GRWD1: variants seen among roughly 807,000 people sequenced by gnomAD.
The protein encoded by GRWD1 is glutamate-rich WD repeat-containing protein 1.
A neutral mutation model predicts 45.3 loss-of-function variants in GRWD1; 29 were observed. The observed-to-expected ratio is 0.64, with a 90% confidence interval of 0.48 to 0.87. The LOEUF (loss-of-function observed/expected upper bound fraction) is 0.87, where lower values mean the gene tolerates loss of function less well. Ranked by LOEUF, GRWD1 falls within the 40% of genes least tolerant of loss-of-function variation. The probability of loss-of-function intolerance (pLI) is 0.00; values close to 1 mark genes in which losing one functional copy is unlikely to be tolerated. For synonymous variants in GRWD1, 262 were observed against 257.6 expected (o/e 1.02, Z -0.16); for missense variants, 592 against 618.8 (o/e 0.96, Z 0.46).
chr19:48,450,434 T>C lies in GRWD1; in HGVS notation c.590T>C (p.Leu197Pro). The C allele has an allele frequency of 6.2e-7, 1 of 1,614,096 alleles. No individual in the cohort carries two copies. The highest frequency in any genetic ancestry group is 8.5e-7 in the Non-Finnish European group (1 of 1,180,028). ...GAGCCCCAGGCCCTGGCAGCCTTCC[T>C]CCGGGATGAGCAGGCCCAAATGAAG... ...VEEPQALAAF[L>P]RDEQAQMKPI... Residue 197 changes from leucine (L) to proline (P), a missense_variant, in exon 4 of 7, where the codon CTC (leucine) becomes CCC (proline). By Grantham distance (98) the Leu-to-Pro change is moderately conservative. Coordinates refer to ENST00000253237, the MANE Select transcript of GRWD1 (RefSeq NM_031485.4). The surrounding 1 kb of genome is among the most constrained non-coding windows in gnomAD (Gnocchi z 5.1).
intron 3 of GRWD1, 61 bp downstream of exon 3, chr19:48,446,904 T>A: frequency 7.5e-7 from 1 of 1,335,380 alleles, no homozygotes; most frequent in Non-Finnish European, 1.0e-6. Flanking sequence ...CCATCCCCTG[T>A]GTCCATAACT....
In GRWD1 at chr19:48,452,563, T is replaced by C; in HGVS notation, c.1024-145T>C. ...CAGCCAGAATTACCCTGTGTCCCTT[T>C]CCTGGACTCTGGGCTTGTGAGGGCT... On this transcript the variant is annotated intron_variant, in intron 6 of 6. Coordinates refer to ENST00000253237, the MANE Select transcript of GRWD1 (RefSeq NM_031485.4). This position sits in a 1 kb window ranked among gnomAD's most constrained non-coding sequence, Gnocchi z 5.1. 1 of 670,614 alleles carries C rather than the reference T, an allele frequency of 1.5e-6. No individual in the cohort carries two copies. The highest frequency in any genetic ancestry group is 2.0e-5 in the South Asian group (1 of 50,172). 41.5% of individuals were successfully genotyped at this position (670,614 alleles called of 1,614,324 possible). A position where few individuals can be genotyped will look rare whatever the true frequency, so the allele number is the denominator to read the frequency against.
chr19:48,448,441 G>A (rs1222374960), intron 3 of GRWD1, among the ~76,000 whole-genome samples: 1 of 152,144 alleles, frequency 6.6e-6, no homozygotes, highest in Non-Finnish European at 1.5e-5. Context: ...CAAGCAAAAG[G>A]TCTCTGGCTC....
At position 48,452,089 on chromosome 19, in the gene GRWD1, CTTTTTTTTTTTT is replaced by C. The variant is rs58562169; in HGVS notation, c.1024-613_1024-602del. 5.9e-4 allele frequency among the ~76,000 whole-genome samples: 86 copies of C among 146,040 alleles called. No homozygotes were observed. The highest frequency in any genetic ancestry group is 1.8e-3 in the African/African-American group (71 of 39,502). On this transcript the variant is annotated intron_variant, in intron 6 of 6. Transcript: ENST00000253237. This position sits in a 1 kb window ranked among gnomAD's most constrained non-coding sequence, Gnocchi z 5.1. ...GGGAGAGCCATGCCCTCCTTTTTTT[CTTTTTTTTTTTT>C]TTTTTCTTTTTTTTTGCGATGGAGT...
Position 48,450,029 on chromosome 19 carries a change from G to C in GRWD1, c.469-284G>C, listed in dbSNP as rs1482292398. Among the ~76,000 whole-genome samples the C allele has an allele frequency of 3.3e-5, 5 of 151,968 alleles. No individual in the cohort carries two copies. Among genetic ancestry groups the C allele is most frequent in the African/African-American group, 1.2e-4 (5 of 41,350 alleles). ...AGCCTGAACACCCTCCCAAGGGCTG[G>C]TGGGAATTGCAGCCTCAACTCCCAG... On this transcript the variant is annotated intron_variant, in intron 3 of 6. Transcript: ENST00000253237. The surrounding 1 kb of genome is among the most constrained non-coding windows in gnomAD (Gnocchi z 5.1).
At chr19:48,446,338 C>A in intron 1 of GRWD1, 47 bp from the exon 2 acceptor site, 1 of 1,574,864 alleles carries the variant, frequency 6.3e-7, no homozygotes, top group Non-Finnish European at 8.7e-7. Context: ...GGGGACTGAG[C>A]TCTTACTGTC....
At position 48,453,251 on chromosome 19, in the gene GRWD1, C is replaced by G. The variant is rs1971496675; in HGVS notation, c.*226C>G. 2.0e-6 allele frequency: 1 copy of G among 498,392 alleles called. No homozygotes were observed. 30.9% of individuals were successfully genotyped at this position (498,392 alleles called of 1,614,324 possible). A position where few individuals can be genotyped will look rare whatever the true frequency, so the allele number is the denominator to read the frequency against. On this transcript the variant is annotated 3_prime_UTR_variant, in exon 7 of 7. Coordinates refer to ENST00000253237, the MANE Select transcript of GRWD1 (RefSeq NM_031485.4). ...AGGGCTCTGTAAGACCACTCCCACCCAGAGACTTGTGTGGCCTGGTGTGGC... is the reference window on the plus strand; with the variant it reads ...AGGGCTCTGTAAGACCACTCCCACCGAGAGACTTGTGTGGCCTGGTGTGGC...
intron 3 of GRWD1, among the ~76,000 whole-genome samples, chr19:48,447,996 G>C (rs1184871020): frequency 6.6e-6 from 1 of 152,206 alleles, no homozygotes; most frequent in Non-Finnish European, 1.5e-5. Context: ...CCATTGCCCA[G>C]GCTGGAGTGC....
rs1971518835 is a variant in GRWD1, at chr19:48,454,804, C to T, written c.*1779C>T. The T allele has an allele frequency of 6.6e-6, 1 of 152,282 alleles. No homozygotes were observed. Among genetic ancestry groups the T allele is most frequent in the Admixed American group, 6.5e-5 (1 of 15,270 alleles). 9.4% of individuals were successfully genotyped at this position (152,282 alleles called of 1,614,324 possible). ...CCCATTTTATGCATTTTCTCACTGG[C>T]TTCCATCCTTTCAGAGAAACCCTCT... On this transcript the variant is annotated 3_prime_UTR_variant, in exon 7 of 7. Coordinates refer to ENST00000253237, the MANE Select transcript of GRWD1 (RefSeq NM_031485.4).
rs746817470 is a variant in GRWD1 at position 48,450,297 on chromosome 19, C to A, written c.469-16C>A. 6.3e-7 allele frequency: 1 copy of A among 1,599,590 alleles called. No individual in the cohort carries two copies. Among genetic ancestry groups the A allele is most frequent in the Non-Finnish European group, 8.5e-7 (1 of 1,172,370 alleles). ...CCCTCGCTTCACATCACCCTTCCCC[C>A]ACCGCTCTTCTGCAGGTGTCATGGC... On this transcript the variant is annotated splice_polypyrimidine_tract_variant and intron_variant, in intron 3 of 6. Coordinates refer to ENST00000253237, the MANE Select transcript of GRWD1 (RefSeq NM_031485.4). The surrounding 1 kb of genome is among the most constrained non-coding windows in gnomAD (Gnocchi z 5.1).
intron 6 of GRWD1, among the ~76,000 whole-genome samples, chr19:48,451,550 G>A (rs922522474): frequency 1.1e-4 from 16 of 152,168 alleles, no homozygotes; most frequent in African/African-American, 3.6e-4. Flanking sequence ...AGTGCTGAGA[G>A]CTTCAGAGAG....
At chr19:48,446,964 T>G (rs1048135543) in intron 3 of GRWD1, 121 bp downstream of exon 3, 1 of 912,572 alleles carries the variant, frequency 1.1e-6, no homozygotes, top group Non-Finnish European at 1.6e-6. Flanking sequence ...TGAGACGTAG[T>G]CTCGCTCTGT....
In GRWD1 at chr19:48,451,082, C is replaced by T. The variant is rs1037527529; in HGVS notation, c.874C>T (p.Arg292Trp). ...ADASIRIWDI[R>W]AAPSKACMLT... The stretch of plus-strand genomic sequence containing the variant: ...CGCCTCCATCCGCATCTGGGACATC[C>T]GGGCAGCCCCCAGCAAGGCCTGCAT... Residue 292 changes from arginine to tryptophan, a missense_variant, in exon 6 of 7, where the codon CGG (arginine) becomes TGG (tryptophan). By Grantham distance (101) the Arg-to-Trp change is moderately radical (BLOSUM62 -3). Transcript: ENST00000253237. 4.3e-6 allele frequency: 7 copies of T among 1,614,088 alleles called. No homozygotes were observed. Among genetic ancestry groups the T allele is most frequent in the African/African-American group, 2.7e-5 (2 of 75,032 alleles).
chr19:48,448,507 AC>A (rs1971436404), intron 3 of GRWD1, among the ~76,000 whole-genome samples: 2 of 152,228 alleles, frequency 1.3e-5, no homozygotes, highest in South Asian at 2.1e-4. Flanking sequence ...GTAAATGTGT[AC>A]CATGTCCAAA....
Position 48,450,234 on chromosome 19 carries a change from T to C in GRWD1, c.469-79T>C, listed in dbSNP as rs962917136. The C allele has an allele frequency of 8.1e-6, 9 of 1,107,650 alleles. No individual in the cohort carries two copies. In the African/African-American group the frequency reaches 1.1e-4, roughly 13 times the overall value. 68.6% of individuals were successfully genotyped at this position (1,107,650 alleles called of 1,614,324 possible). A position where few individuals can be genotyped will look rare whatever the true frequency, so the allele number is the denominator to read the frequency against. On this transcript the variant is annotated intron_variant, in intron 3 of 6. Transcript: ENST00000253237. This position sits in a 1 kb window ranked among gnomAD's most constrained non-coding sequence, Gnocchi z 5.1. ...GAAGCGCACTTCTGGTTCTCTGGGA[T>C]ATGGGGAGCGTGGGGTCAGTGCCTT...
intron 3 of GRWD1, among the ~76,000 whole-genome samples, chr19:48,448,980 A>T (rs1453543418): frequency 6.6e-6 from 1 of 152,154 alleles, no homozygotes; most frequent in Non-Finnish European, 1.5e-5. Context: ...TCAATTGCAG[A>T]GAGGTAAGGG....
chr19:48,453,019 C>A lies in GRWD1; in HGVS notation c.1335C>A (p.Ser445Arg). The A allele has an allele frequency of 6.3e-7, 1 of 1,576,976 alleles. No individual in the cohort carries two copies. Among genetic ancestry groups the A allele is most frequent in the Non-Finnish European group, 8.6e-7 (1 of 1,156,792 alleles). ...GCTTCACCATCTTCCGCACCATCAG[C>A]GTCTGAGGCGTCCCACTGGCTCTGA... ...LSGFTIFRTI[S>R]V The change falls in exon 7 of 7, where the codon AGC becomes AGA. Residue 445 changes from serine (S) to arginine (R), a missense_variant. Coordinates refer to ENST00000253237, the MANE Select transcript of GRWD1 (RefSeq NM_031485.4).
chr19:48,451,147 C>G lies in GRWD1; in HGVS notation c.939C>G (p.Val313=). 6.2e-7 allele frequency: 1 copy of G among 1,614,022 alleles called. No homozygotes were observed. Among genetic ancestry groups the G allele is most frequent in the Non-Finnish European group, 8.5e-7 (1 of 1,179,908 alleles). Residue 313 remains valine (V), a synonymous_variant, in exon 6 of 7, where the codon GTC becomes GTG. Transcript: ENST00000253237. ...TATAHDGDVN[V]ISWSRREPFL... ...CCGCCCATGATGGGGACGTCAATGT[C>G]ATCAGCTGGAGCCGCCGGGAGCCCT...
chr19:48,452,371 T>G lies in GRWD1; in HGVS notation c.1024-337T>G, dbSNP rs1971484864. ...CCTTGGCCTCCCAAGGTGCTGAGAT[T>G]ACAGTCGTGAGCCACCGCACCCAGC... On this transcript the variant is annotated intron_variant, in intron 6 of 6. Transcript: ENST00000253237. The surrounding 1 kb of genome is among the most constrained non-coding windows in gnomAD (Gnocchi z 5.1). 6.6e-6 allele frequency among the ~76,000 whole-genome samples: 1 copy of G among 152,016 alleles called. No individual in the cohort carries two copies. Among genetic ancestry groups the G allele is most frequent in the South Asian group, 2.1e-4 (1 of 4,810 alleles).
Sources: gnomAD v4.1 joint callset for allele counts (sites outside exome capture counted in the v4.1 genomes callset) on GRCh38, gnomAD v4.1.1 for gene constraint, Gnocchi (gnomAD v3.1) non-coding constraint, MANE v1.5 for transcripts, NCBI Gene and HGNC (gene_info 2026-07-23, HGNC 2026-07-21) for gene names.